Variants in CHSY3 observed in about 807,000 individuals in gnomAD.
CHSY3 encodes chondroitin sulfate synthase 3.
In CHSY3, 35 loss-of-function variants were observed where a neutral mutation model predicts 67.2. That is an observed-to-expected ratio of 0.52 (90% CI 0.40 to 0.69). CHSY3 has a LOEUF of 0.69. Ranked by LOEUF, CHSY3 falls within the 30% of genes least tolerant of loss-of-function variation. CHSY3 has a pLI of 0.00. For synonymous variants in CHSY3, 474 were observed against 434.7 expected (o/e 1.09, Z -1.12); for missense variants, 1,069 against 1,138.5 (o/e 0.94, Z 0.88).
At chr5:130,076,597 G>A (rs551896537) in intron 2 of CHSY3, among the ~76,000 whole-genome samples, 1 of 151,010 alleles carries the variant, frequency 6.6e-6, no homozygotes, top group Admixed American at 6.6e-5. Context: ...ATTCCTACAT[G>A]CACACTTCAT....
At position 129,968,285 on chromosome 5, in the gene CHSY3, T is replaced by C. The variant is rs1429038392; in HGVS notation, c.1086+59925T>C. On this transcript the variant is annotated intron_variant, in intron 2 of 2. Transcript: ENST00000305031. ...TGTGAATTCCCTGTTTTCCATTTTATCTGTGTAGCTAACATTTTTTAAATT... is the reference window on the plus strand; with the variant it reads ...TGTGAATTCCCTGTTTTCCATTTTACCTGTGTAGCTAACATTTTTTAAATT... 2.6e-5 allele frequency among the ~76,000 whole-genome samples: 4 copies of C among 151,884 alleles called. No individual in the cohort carries two copies. In the East Asian group the frequency reaches 5.8e-4, roughly 22 times the overall value.
chr5:129,959,977 T>C (rs957146527), intron 2 of CHSY3, among the ~76,000 whole-genome samples: 5 of 152,120 alleles, frequency 3.3e-5, no homozygotes, highest in African/African-American at 1.2e-4. Flanking sequence ...AGACAAACCT[T>C]AGAAAATTCC....
At chr5:130,074,684 G>T (rs1289675337) in intron 2 of CHSY3, among the ~76,000 whole-genome samples, 5 of 152,218 alleles carry the variant, frequency 3.3e-5, no homozygotes, top group South Asian at 2.1e-4. Context: ...CTTGAGAGAA[G>T]AAATAATTTA....
intron 2 of CHSY3, among the ~76,000 whole-genome samples, chr5:130,029,722 AT>A (rs1481926323): frequency 3.9e-5 from 6 of 152,102 alleles, no homozygotes; most frequent in Non-Finnish European, 7.3e-5. Context: ...ATTGTTTTAT[AT>A]CTACCAGAAC....
chr5:129,919,653 C>T (rs1760853257), intron 2 of CHSY3, among the ~76,000 whole-genome samples: 1 of 152,234 alleles, frequency 6.6e-6, no homozygotes, highest in East Asian at 1.9e-4. Context: ...GGAAACGGCC[C>T]CATGATTCAG....
In CHSY3 at chr5:130,143,810, GTATATATATATATATATATATA is replaced by G. The variant is rs61284287; in HGVS notation, c.1087-40403_1087-40382del. Among the ~76,000 whole-genome samples the G allele has an allele frequency of 3.9e-4, 22 of 56,484 alleles. No individual in the cohort carries two copies. The South Asian group carries it at 6.3e-3, about 16-fold the overall frequency. The allele number at this position is 56,484 out of a possible 152,430, so 37.1% of individuals were successfully genotyped here. On this transcript the variant is annotated intron_variant, in intron 2 of 2. Transcript: ENST00000305031. ...TATATATATATATATATATATGTGT[GTATATATATATATATATATATA>G]TATATATATATATATGCCAATTCAG... is the stretch of plus-strand genomic sequence containing the variant.
intron 2 of CHSY3, among the ~76,000 whole-genome samples, chr5:129,917,368 G>A (rs1760762857): frequency 6.6e-6 from 1 of 152,192 alleles, no homozygotes; most frequent in South Asian, 2.1e-4. Flanking sequence ...TATTACAACA[G>A]AGAGCCTGTT....
intron 2 of CHSY3, among the ~76,000 whole-genome samples, chr5:130,177,754 G>T (rs1770099893): frequency 6.6e-6 from 1 of 151,930 alleles, no homozygotes; most frequent in Admixed American, 6.6e-5. Flanking sequence ...AGCTTTTATA[G>T]AATAAGCCCT....
intron 2 of CHSY3, among the ~76,000 whole-genome samples, chr5:129,938,866 G>A (rs1761601931): frequency 6.6e-6 from 1 of 152,166 alleles, no homozygotes. Flanking sequence ...CCTGCAGCCT[G>A]TTCCAGCCTC....
At chr5:129,983,735 T>A (rs1197556532) in intron 2 of CHSY3, among the ~76,000 whole-genome samples, 6 of 152,090 alleles carry the variant, frequency 3.9e-5, no homozygotes, top group Non-Finnish European at 8.8e-5. Context: ...TTAAGATCAA[T>A]GTATGCATAA....
intron 2 of CHSY3, among the ~76,000 whole-genome samples, chr5:130,059,001 G>A (rs1219055084): frequency 6.6e-6 from 1 of 152,090 alleles, no homozygotes; most frequent in Admixed American, 6.5e-5. Context: ...TTTTTGTATG[G>A]GTCAACTTGT....
chr5:130,059,027 G>T (rs1765625598), intron 2 of CHSY3, among the ~76,000 whole-genome samples: 1 of 152,172 alleles, frequency 6.6e-6, no homozygotes, highest in Non-Finnish European at 1.5e-5. Flanking sequence ...GTGTTCAGTT[G>T]TTGGGTCAGA....
At chr5:130,160,879 T>TTTTATTTATTTATTTATTTATTTATTTA (rs1249583766) in intron 2 of CHSY3, among the ~76,000 whole-genome samples, 1 of 146,760 alleles carries the variant, frequency 6.8e-6, no homozygotes, top group African/African-American at 2.6e-5. Flanking sequence ...TACTGATCAT[T>TTTTATTTATTTATTTATTTATTTATTTA]TTTATTTATT....
chr5:130,119,900 T>C (rs1035782562), intron 2 of CHSY3, among the ~76,000 whole-genome samples: 1 of 152,118 alleles, frequency 6.6e-6, no homozygotes, highest in African/African-American at 2.4e-5. Context: ...AAATAAAAGG[T>C]AGCCTATCTA....
chr5:129,983,149 A>G (rs1763069386), intron 2 of CHSY3, among the ~76,000 whole-genome samples: 1 of 152,090 alleles, frequency 6.6e-6, no homozygotes. Flanking sequence ...ATTATAGTAT[A>G]ATTGACGATG....
chr5:130,060,789 CA>C (rs1279809313), intron 2 of CHSY3, among the ~76,000 whole-genome samples: 1 of 151,914 alleles, frequency 6.6e-6, no homozygotes, highest in African/African-American at 2.4e-5. Flanking sequence ...AGAGCAAAAT[CA>C]AGAACTCAAT....
chr5:130,013,116 T>G (rs59288766), intron 2 of CHSY3, among the ~76,000 whole-genome samples: 3,887 of 152,242 alleles, frequency 0.026, 171 homozygotes, highest in African/African-American at 0.088. Context: ...AGTTCTAAAA[T>G]GATTTCCTTT....
intron 2 of CHSY3, among the ~76,000 whole-genome samples, chr5:130,139,186 T>C (rs1311073800): frequency 6.6e-6 from 1 of 152,240 alleles, no homozygotes. Context: ...ATCATAATTT[T>C]ACCAGACCAC....
intron 2 of CHSY3, among the ~76,000 whole-genome samples, chr5:130,010,455 C>G (rs1271468046): frequency 1.3e-5 from 2 of 152,064 alleles, no homozygotes; most frequent in Non-Finnish European, 2.9e-5. Flanking sequence ...ATACAATACA[C>G]CAGAATCTCT....
Sources: gnomAD v4.1 joint callset for allele counts (sites outside exome capture counted in the v4.1 genomes callset) on GRCh38, gnomAD v4.1.1 for gene constraint, MANE v1.5 for transcripts, NCBI Gene and HGNC (gene_info 2026-07-23, HGNC 2026-07-21) for gene names.